PHF14: variants seen among roughly 807,000 people sequenced by gnomAD.
PHF14 encodes PHD finger protein 14.
In PHF14, 55 loss-of-function variants were observed where a neutral mutation model predicts 117.9. The ratio of observed to expected loss-of-function variants is 0.47; its 90% CI spans 0.38 to 0.58. The LOEUF is 0.58. Ranked by LOEUF, PHF14 falls within the 20% of genes least tolerant of loss-of-function variation. PHF14 has a pLI of 0.00. For synonymous variants in PHF14, 409 were observed against 368.6 expected, an observed-to-expected ratio of 1.11 and a Z score of -1.26; for missense variants, 978 against 1,122.2, an observed-to-expected ratio of 0.87 and a Z score of 1.84.
rs968171483 is a variant in PHF14, at chr7:11,111,564, T to C, written c.2772+97T>C. On this transcript the variant is annotated intron_variant, in intron 17 of 17. Transcript: ENST00000634607. ...AGCTTCTTTAAAGATAATTGGAATA[T>C]GAAGAACCAACATTTTAACCAGTAC... 1.1e-5 allele frequency: 7 copies of C among 631,040 alleles called. No homozygotes were observed. The East Asian group carries it at 2.0e-4, about 18-fold the overall frequency. The allele number at this position is 631,040 out of a possible 1,614,324, so 39.1% of individuals were successfully genotyped here. A position where few individuals can be genotyped will look rare whatever the true frequency, so the allele number is the denominator to read the frequency against.
intron 12 of PHF14, among the ~76,000 whole-genome samples, chr7:11,041,424 TTGTG>T (rs58282147): frequency 2.7e-5 from 4 of 150,378 alleles, no homozygotes; most frequent in South Asian, 2.1e-4. Flanking sequence ...GCTGGTGTTT[TTGTG>T]TGTGTGTGTG....
At chr7:11,006,855 CT>C in intron 4 of PHF14, 1 of 634,880 alleles carries the variant, frequency 1.6e-6, no homozygotes, top group Non-Finnish European at 2.9e-6. Context: ...GCTTCCTTCA[CT>C]TTCGGCACTG....
chr7:11,091,583 C>T (rs142380251), intron 16 of PHF14, among the ~76,000 whole-genome samples: 3 of 151,842 alleles, frequency 2.0e-5, no homozygotes, highest in African/African-American at 4.8e-5. Flanking sequence ...TGGTGAAACC[C>T]GTCTCTACTA....
At chr7:11,122,910 C>T (rs975221987) in intron 17 of PHF14, among the ~76,000 whole-genome samples, 1 of 152,186 alleles carries the variant, frequency 6.6e-6, no homozygotes, top group African/African-American at 2.4e-5. Flanking sequence ...CCAGGAACTT[C>T]TCTGAGCTGT....
At chr7:11,120,879 A>G (rs1787731873) in intron 17 of PHF14, among the ~76,000 whole-genome samples, 2 of 152,130 alleles carry the variant, frequency 1.3e-5, no homozygotes, top group Non-Finnish European at 2.9e-5. Context: ...TCATACGGAA[A>G]CTTGTTTTTT....
chr7:11,016,050 C>T (rs905511520), intron 5 of PHF14, among the ~76,000 whole-genome samples: 5 of 152,026 alleles, frequency 3.3e-5, no homozygotes, highest in African/African-American at 9.7e-5. Context: ...AAAGTTGTTT[C>T]TGAATGAAGA....
chr7:10,975,489 G>A (rs1781829847), intron 2 of PHF14, among the ~76,000 whole-genome samples: 1 of 152,104 alleles, frequency 6.6e-6, no homozygotes, highest in African/African-American at 2.4e-5. Flanking sequence ...ATGCATGCTT[G>A]CTCACTATAT....
chr7:11,070,455 A>G (rs563010269), intron 16 of PHF14, among the ~76,000 whole-genome samples: 1 of 152,172 alleles, frequency 6.6e-6, no homozygotes, highest in South Asian at 2.1e-4. Context: ...GCACCATGGT[A>G]TTTTCTTTAG....
At chr7:11,062,349 C>T (rs938649118) in intron 16 of PHF14, 3 of 242,654 alleles carry the variant, frequency 1.2e-5, no homozygotes, top group African/African-American at 4.5e-5. Context: ...ATTGACAGTG[C>T]TCTCTATTTA....
At chr7:10,994,838 G>A (rs1297266544) in intron 4 of PHF14, among the ~76,000 whole-genome samples, 17 of 152,282 alleles carry the variant, frequency 1.1e-4, no homozygotes, top group Middle Eastern at 3.4e-3. Context: ...GCGCGTACCC[G>A]AAGAGTGAGC....
At chr7:10,994,033 A>G (rs1462992095) in intron 4 of PHF14, among the ~76,000 whole-genome samples, 1 of 151,594 alleles carries the variant, frequency 6.6e-6, no homozygotes, top group African/African-American at 2.4e-5. Flanking sequence ...AAAAGTTGTT[A>G]AGGGAAATCC....
intron 16 of PHF14, among the ~76,000 whole-genome samples, chr7:11,097,056 T>C (rs572460932): frequency 1.4e-5 from 2 of 147,688 alleles, no homozygotes; most frequent in Non-Finnish European, 3.0e-5. Context: ...CTCGGCTCAC[T>C]GCAACCTCTG....
chr7:11,122,431 ATATATATATACG>A (rs1562476584), intron 17 of PHF14, among the ~76,000 whole-genome samples: 74 of 124,436 alleles, frequency 5.9e-4, no homozygotes, highest in Middle Eastern at 3.7e-3. Flanking sequence ...ATATACACGT[ATATATATATACG>A]TATATATATA....
intron 3 of PHF14, among the ~76,000 whole-genome samples, chr7:10,983,620 T>C (rs1245292676): frequency 6.6e-6 from 1 of 152,206 alleles, no homozygotes; most frequent in Non-Finnish European, 1.5e-5. Flanking sequence ...CTGAAACCTT[T>C]AGAGATTCGT....
chr7:11,161,667 T>G (rs946531792), intron 17 of PHF14, among the ~76,000 whole-genome samples: 2 of 148,716 alleles, frequency 1.3e-5, no homozygotes, highest in Non-Finnish European at 3.0e-5. Flanking sequence ...AGGTAAAAAC[T>G]CTAAATAAAA....
At chr7:11,002,049 T>C (rs1036838028) in intron 4 of PHF14, among the ~76,000 whole-genome samples, 5 of 151,920 alleles carry the variant, frequency 3.3e-5, no homozygotes, top group African/African-American at 4.8e-5. Context: ...GTTTTTTTTT[T>C]ACTTGTTTGT....
intron 17 of PHF14, among the ~76,000 whole-genome samples, chr7:11,151,508 A>G (rs1254056894): frequency 6.6e-6 from 1 of 152,200 alleles, no homozygotes; most frequent in Non-Finnish European, 1.5e-5. Context: ...GAAGTGAGCC[A>G]TGATCACACC....
At chr7:11,010,893 G>T (rs1194245387) in intron 4 of PHF14, among the ~76,000 whole-genome samples, 1 of 152,064 alleles carries the variant, frequency 6.6e-6, no homozygotes, top group Non-Finnish European at 1.5e-5. Flanking sequence ...GGGCTCAAGC[G>T]ATCATCCTGC....
chr7:11,080,017 T>A, intron 16 of PHF14, among the ~76,000 whole-genome samples: 1 of 152,154 alleles, frequency 6.6e-6, no homozygotes, highest in East Asian at 1.9e-4. Context: ...CTCAGTGGTC[T>A]AAAAGATGGA....
Sources: allele counts gnomAD v4.1 joint callset (sites outside exome capture counted in the v4.1 genomes callset), GRCh38; gene constraint gnomAD v4.1.1; transcripts MANE v1.5; gene names NCBI Gene and HGNC (gene_info 2026-07-23, HGNC 2026-07-21).